IL17RD: variants seen among roughly 807,000 people sequenced by gnomAD.
IL17RD encodes the protein interleukin 17 receptor D, also known as interleukin-17 receptor D.
IL17RD carries 52 observed loss-of-function variants against 80.5 expected under a neutral mutation model. That is an observed-to-expected ratio of 0.65 (90% confidence interval 0.52 to 0.81). The LOEUF (loss-of-function observed/expected upper bound fraction) is 0.81, where lower values mean the gene tolerates loss of function less well. Ranked by LOEUF, IL17RD falls within the 40% of genes least tolerant of loss-of-function variation. The probability of loss-of-function intolerance (pLI) is 0.00; values close to 1 mark genes in which losing one functional copy is unlikely to be tolerated. For missense variants in IL17RD, 1,024 were observed against 955.1 expected (o/e 1.07, Z -0.95); for synonymous variants, 416 against 391.8 (o/e 1.06, Z -0.73).
chr3:57,168,467 C>T (rs984238589), upstream of IL17RD, among the ~76,000 whole-genome samples: 3 of 152,166 alleles, frequency 2.0e-5, no homozygotes, highest in Non-Finnish European at 4.4e-5. Context: ...CTTAAGCGTC[C>T]AGTCTAAAAC....
At chr3:57,131,991 G>C (rs771663943) in intron 1 of IL17RD, among the ~76,000 whole-genome samples, 9 of 152,014 alleles carry the variant, frequency 5.9e-5, no homozygotes, top group Non-Finnish European at 8.8e-5. Context: ...TTTAAGACCA[G>C]CCTGGGCAAA....
intron 1 of IL17RD, among the ~76,000 whole-genome samples, chr3:57,160,691 CA>C (rs1241901309): frequency 6.6e-6 from 1 of 152,204 alleles, no homozygotes; most frequent in Non-Finnish European, 1.5e-5. Flanking sequence ...AATTTAAAGC[CA>C]AACTCTGATT....
chr3:57,167,429 CCCCCACAGCAAGGATGT>C, upstream of IL17RD, among the ~76,000 whole-genome samples: 1 of 152,200 alleles, frequency 6.6e-6, no homozygotes, highest in East Asian at 1.9e-4. Context: ...TTGTTCTCAG[CCCCCACAGCAAGGATGT>C]CCAGCGTTTG....
chr3:57,115,060 G>C (rs1707183228), intron 2 of IL17RD, among the ~76,000 whole-genome samples: 1 of 152,110 alleles, frequency 6.6e-6, no homozygotes, highest in Admixed American at 6.5e-5. Flanking sequence ...TTAAATTCCA[G>C]GGCAATGTTG....
chr3:57,097,913 G>A lies in IL17RD; in HGVS notation c.1790C>T (p.Pro597Leu). ...TACCTTTAGGCAGAAGTCACTCTCAGGCCCTGGTTTGCACATGACATCATT... is the reference window on the plus strand; with the variant it reads ...TACCTTTAGGCAGAAGTCACTCTCAAGCCCTGGTTTGCACATGACATCATT... ...VLNDVMCKPG[P>L]ESDFCLKVEA... The change falls in exon 12 of 13, where the codon CCT (proline) becomes CTT (leucine). Residue 597 changes from proline to leucine, a missense_variant. Physicochemically the swap from Pro to Leu is moderately conservative, Grantham distance 98. Transcript: ENST00000296318. 6.2e-7 allele frequency: 1 copy of A among 1,614,016 alleles called. No homozygotes were observed. The highest frequency in any genetic ancestry group is 8.5e-7 in the Non-Finnish European group (1 of 1,179,910).
chr3:57,108,681 A>G (rs953537384), intron 5 of IL17RD, among the ~76,000 whole-genome samples: 2 of 151,352 alleles, frequency 1.3e-5, no homozygotes, highest in African/African-American at 4.9e-5. Context: ...ACGCCCGGCT[A>G]ATTTTTGTAT....
At chr3:57,148,197 C>T (rs546861606) in intron 1 of IL17RD, among the ~76,000 whole-genome samples, 7 of 151,284 alleles carry the variant, frequency 4.6e-5, no homozygotes, top group East Asian at 3.9e-4. Context: ...TGGTGGCGCA[C>T]GCCTGTAATC....
intron 1 of IL17RD, among the ~76,000 whole-genome samples, chr3:57,137,671 A>G (rs1707755117): frequency 6.6e-6 from 1 of 152,184 alleles, no homozygotes; most frequent in African/African-American, 2.4e-5. Flanking sequence ...GAAGGTATTT[A>G]AGAAGGAGGA....
intron 1 of IL17RD, among the ~76,000 whole-genome samples, chr3:57,122,740 CTTTTTTT>C (rs754491969): frequency 4.3e-5 from 5 of 117,050 alleles, no homozygotes; most frequent in Non-Finnish European, 8.5e-5. Context: ...CCTCAACTGT[CTTTTTTT>C]TTTTTTTTTT....
At position 57,097,725 on chromosome 3, in the gene IL17RD, G is replaced by A. The variant is rs756741660; in HGVS notation, c.1978C>T (p.Arg660Trp). 6.9e-6 allele frequency: 11 copies of A among 1,602,634 alleles called. No homozygotes were observed. Among genetic ancestry groups the A allele is most frequent in the Admixed American group, 6.8e-5 (4 of 59,092 alleles). The change falls in exon 12 of 13, where the codon CGG (arginine) becomes TGG (tryptophan). Residue 660 changes from arginine to tryptophan, a missense_variant. By Grantham distance (101) the Arg-to-Trp change is moderately radical. Transcript: ENST00000296318. Reference protein sequence around the residue: ...VKAGSPSDMPRDSGIYDSSVP... With the variant: ...VKAGSPSDMPWDSGIYDSSVP... ...GACGAGTCATAGATGCCTGAGTCCCGCGGCATGTCCGAGGGGCTGCCGGCT... is the reference window on the plus strand; with the variant it reads ...GACGAGTCATAGATGCCTGAGTCCCACGGCATGTCCGAGGGGCTGCCGGCT...
intron 1 of IL17RD, among the ~76,000 whole-genome samples, chr3:57,147,999 C>T (rs920026336): frequency 9.0e-5 from 13 of 144,850 alleles, no homozygotes; most frequent in African/African-American, 2.8e-4. Context: ...TCTTCCTGAT[C>T]GAAAGAAGTC....
intron 1 of IL17RD, chr3:57,134,527 TG>T: frequency 7.4e-7 from 1 of 1,357,628 alleles, no homozygotes; most frequent in Non-Finnish European, 1.0e-6. Context: ...AAGGGGAATG[TG>T]TTCAAAAACA....
At chr3:57,139,650 G>A (rs922738069) in intron 1 of IL17RD, among the ~76,000 whole-genome samples, 6 of 151,794 alleles carry the variant, frequency 4.0e-5, no homozygotes, top group African/African-American at 1.5e-4. Flanking sequence ...GTAGCTGGGA[G>A]TACAGGCACG....
chr3:57,168,780 G>A (rs2107553691), upstream of IL17RD, among the ~76,000 whole-genome samples: 1 of 152,208 alleles, frequency 6.6e-6, no homozygotes, highest in African/African-American at 2.4e-5. Context: ...GCAATGCCAT[G>A]GTCTCGGCTA....
At chr3:57,097,480 C>A (rs1706705717) in intron 12 of IL17RD, 116 bp downstream of exon 12, 1 of 756,602 alleles carries the variant, frequency 1.3e-6, no homozygotes. Flanking sequence ...GCTGTGTTCT[C>A]ATCAGGTTTC....
intron 10 of IL17RD, among the ~76,000 whole-genome samples, 155 bp downstream of exon 10, chr3:57,102,324 G>A (rs543470478): frequency 2.6e-5 from 4 of 152,256 alleles, no homozygotes; most frequent in African/African-American, 9.6e-5. Flanking sequence ...GAGGTTAAAA[G>A]CCAAATATTT....
intron 3 of IL17RD, among the ~76,000 whole-genome samples, chr3:57,111,971 A>AG (rs888462927): frequency 2.6e-5 from 4 of 151,714 alleles, no homozygotes; most frequent in African/African-American, 9.7e-5. Context: ...CAAAAAAAAA[A>AG]AAAGAAAGAA....
intron 5 of IL17RD, among the ~76,000 whole-genome samples, chr3:57,107,981 C>A (rs1707001818): frequency 6.6e-6 from 1 of 152,112 alleles, no homozygotes; most frequent in African/African-American, 2.4e-5. Context: ...GACAGGCCAC[C>A]CTCCTGATAA....
Position 57,101,209 on chromosome 3 carries a change from G to T in IL17RD, c.1134C>A (p.Ala378=). The T allele has an allele frequency of 1.9e-6, 3 of 1,613,708 alleles. No individual in the cohort carries two copies. The highest frequency in any genetic ancestry group is 2.5e-6 in the Non-Finnish European group (3 of 1,179,700). Residue 378 remains alanine, a synonymous_variant, in exon 11 of 13, where the codon GCC becomes GCA. Coordinates refer to ENST00000296318, the MANE Select transcript of IL17RD (RefSeq NM_017563.5). ...QNHMNVVQCF[A]YFLQDFCGCE... ...AGCCACAGAAGTCCTGGAGGAAGTA[G>T]GCGAAACACTGGACGACATTCATGT...
Sources: gnomAD v4.1 joint callset for allele counts (sites outside exome capture counted in the v4.1 genomes callset) on GRCh38, gnomAD v4.1.1 for gene constraint, MANE v1.5 for transcripts, NCBI Gene and HGNC (gene_info 2026-07-23, HGNC 2026-07-21) for gene names.